DGKB: variants seen among roughly 807,000 people sequenced by gnomAD.
The protein encoded by DGKB is 90 kDa diacylglycerol kinase.
A neutral mutation model predicts 114.3 loss-of-function variants in DGKB; 67 were observed. The observed-to-expected ratio is 0.59, with a 90% CI of 0.48 to 0.72. The LOEUF (loss-of-function observed/expected upper bound fraction) is 0.72, where lower values mean the gene tolerates loss of function less well. DGKB is among the 30% of genes least tolerant of loss of function. DGKB has a pLI of 0.00. For missense variants in DGKB, 907 were observed against 975.2 expected (o/e 0.93, Z 0.93); for synonymous variants, 398 against 323.1 (o/e 1.23, Z -2.49).
intron 20 of DGKB, among the ~76,000 whole-genome samples, chr7:14,554,587 T>C (rs553286312): frequency 6.6e-6 from 1 of 152,078 alleles, no homozygotes; most frequent in Non-Finnish European, 1.5e-5. Flanking sequence ...TACTATCACA[T>C]AATAAAATAT....
intron 21 of DGKB, among the ~76,000 whole-genome samples, chr7:14,387,968 C>T (rs1347574024): frequency 1.3e-5 from 2 of 151,554 alleles, no homozygotes; most frequent in East Asian, 1.9e-4. Context: ...CAACCTCCAC[C>T]CCCCGGGTTA....
intron 20 of DGKB, among the ~76,000 whole-genome samples, chr7:14,527,805 T>G (rs1474141509): frequency 6.6e-6 from 1 of 152,100 alleles, no homozygotes; most frequent in Non-Finnish European, 1.5e-5. Context: ...AAATGATTTC[T>G]AAAGCAGCAA....
chr7:14,241,873 C>A (rs1793695683), intron 23 of DGKB, among the ~76,000 whole-genome samples: 1 of 151,302 alleles, frequency 6.6e-6, no homozygotes, highest in Non-Finnish European at 1.5e-5. Flanking sequence ...TTTTTAGAAG[C>A]AGAGACAATT....
At chr7:14,451,199 A>G (rs529220024) in intron 21 of DGKB, among the ~76,000 whole-genome samples, 1 of 152,110 alleles carries the variant, frequency 6.6e-6, no homozygotes, top group Non-Finnish European at 1.5e-5. Context: ...GAAGGTGTCT[A>G]TGAATGAGAT....
At chr7:14,802,912 T>C (rs956470675) in intron 2 of DGKB, among the ~76,000 whole-genome samples, 1 of 152,090 alleles carries the variant, frequency 6.6e-6, no homozygotes, top group East Asian at 1.9e-4. Context: ...TAAATGGTTA[T>C]AAAAGTTTTC....
chr7:14,834,513 C>T (rs986954993), intron 2 of DGKB, among the ~76,000 whole-genome samples: 1 of 152,020 alleles, frequency 6.6e-6, no homozygotes, highest in Admixed American at 6.6e-5. Context: ...GGTATCAGAG[C>T]CAGCACACAG....
chr7:14,480,046 T>G (rs1185150115), intron 20 of DGKB, among the ~76,000 whole-genome samples: 1 of 151,718 alleles, frequency 6.6e-6, no homozygotes, highest in African/African-American at 2.4e-5. Flanking sequence ...TGTAGTACAA[T>G]TTTTTTTACA....
chr7:14,314,260 C>T (rs546832854), intron 23 of DGKB, among the ~76,000 whole-genome samples: 1,862 of 152,196 alleles, frequency 0.012, 40 homozygotes, highest in African/African-American at 0.042. Context: ...TCCTCACCAG[C>T]AACGGAACAA....
chr7:14,940,964 G>C (rs1785539797), intron 1 of DGKB, among the ~76,000 whole-genome samples: 1 of 151,878 alleles, frequency 6.6e-6, no homozygotes, highest in Non-Finnish European at 1.5e-5. Context: ...AATAGCTTAG[G>C]TCTGAAATAC....
chr7:14,958,024 G>T (rs1006206881), intron 1 of DGKB, among the ~76,000 whole-genome samples: 5 of 152,002 alleles, frequency 3.3e-5, no homozygotes, highest in African/African-American at 1.2e-4. Context: ...TCAGTTTAGG[G>T]TAGAATCTGT....
intron 21 of DGKB, among the ~76,000 whole-genome samples, chr7:14,358,866 A>G (rs972475739): frequency 2.0e-5 from 3 of 152,158 alleles, no homozygotes; most frequent in African/African-American, 7.2e-5. Flanking sequence ...AAATGACCAC[A>G]CTGCCCAAGG....
chr7:14,941,940 T>C (rs923826654), intron 1 of DGKB, among the ~76,000 whole-genome samples: 4 of 152,054 alleles, frequency 2.6e-5, no homozygotes, highest in African/African-American at 9.7e-5. Flanking sequence ...TAAGTAATCA[T>C]ATATTTGGAG....
intron 23 of DGKB, among the ~76,000 whole-genome samples, chr7:14,285,335 G>C (rs1562839492): frequency 6.6e-6 from 1 of 152,170 alleles, no homozygotes; most frequent in Non-Finnish European, 1.5e-5. Context: ...TGCTCTAATA[G>C]AGGGGCTACA....
chr7:14,628,250 G>A (rs1368156269), intron 14 of DGKB, among the ~76,000 whole-genome samples: 2 of 151,552 alleles, frequency 1.3e-5, no homozygotes, highest in Non-Finnish European at 2.9e-5. Context: ...CAAAATGAAA[G>A]AGTCATCTTT....
chr7:14,385,788 A>T (rs1820242248), intron 21 of DGKB, among the ~76,000 whole-genome samples: 1 of 152,228 alleles, frequency 6.6e-6, no homozygotes, highest in Non-Finnish European at 1.5e-5. Flanking sequence ...AAATAATAAG[A>T]TCTAGCAGTA....
chr7:14,495,250 T>C (rs1456046704), intron 20 of DGKB, among the ~76,000 whole-genome samples: 1 of 151,788 alleles, frequency 6.6e-6, no homozygotes, highest in Non-Finnish European at 1.5e-5. Context: ...GGTCAACAAA[T>C]GGCTCTTTTA....
intron 20 of DGKB, among the ~76,000 whole-genome samples, chr7:14,557,969 T>G (rs1013909616): frequency 1.1e-4 from 16 of 151,766 alleles, no homozygotes; most frequent in African/African-American, 3.9e-4. Context: ...TTTACTTGTT[T>G]GCTGTAATCA....
intron 2 of DGKB, among the ~76,000 whole-genome samples, chr7:14,765,055 A>G (rs1836257862): frequency 6.6e-6 from 1 of 152,000 alleles, no homozygotes. Context: ...AAAAAGAAAT[A>G]TGGAACTATT....
chr7:14,693,996 A>G, intron 9 of DGKB, 79 bp downstream of exon 9: 1 of 1,495,396 alleles, frequency 6.7e-7, no homozygotes, highest in Non-Finnish European at 9.0e-7. Context: ...AAATGGTCAC[A>G]TCAATCTGTA....
Sources: gnomAD v4.1 joint callset for allele counts (sites outside exome capture counted in the v4.1 genomes callset) on GRCh38, gnomAD v4.1.1 for gene constraint, MANE v1.5 for transcripts, NCBI Gene and HGNC (gene_info 2026-07-23, HGNC 2026-07-21) for gene names.